ZNF365: variants seen among roughly 807,000 people sequenced by gnomAD.
ZNF365 encodes the protein protein ZNF365.
In ZNF365, 22 loss-of-function variants were observed where a neutral mutation model predicts 35.0. The ratio of observed to expected loss-of-function variants is 0.63; its 90% CI spans 0.45 to 0.90. ZNF365 has a LOEUF of 0.90. ZNF365 is among the 40% of genes least tolerant of loss of function. ZNF365 has a pLI of 0.00. For synonymous variants in ZNF365, 188 were observed against 196.2 expected (o/e 0.96, Z 0.35); for missense variants, 448 against 500.3 (o/e 0.90, Z 1.00).
chr10:62,376,809 C>A lies in ZNF365; in HGVS notation c.616C>A (p.Gln206Lys), dbSNP rs1407683059. 1.2e-6 allele frequency: 2 copies of A among 1,614,020 alleles called. No individual in the cohort carries two copies. Among genetic ancestry groups the A allele is most frequent in the African/African-American group, 2.7e-5 (2 of 74,894 alleles). ...TCGGGCAGCTTTTGTGCAGCTGACT[C>A]AGAAAAAGCAGGAAGTTCAGAGACG... is the stretch of plus-strand genomic sequence containing the variant. ...EVRAAFVQLT[Q>K]KKQEVQRRER... The change falls in exon 2 of 5, where the codon CAG (glutamine) becomes AAG (lysine). Residue 206 changes from glutamine to lysine, a missense_variant. This residue lies in a region of ZNF365 where 362 missense variants were observed against 375.7 expected (regional missense o/e 0.96). Transcript: ENST00000395254.
chr10:62,387,857 A>G (rs1316366687), intron 2 of ZNF365, among the ~76,000 whole-genome samples: 1 of 152,090 alleles, frequency 6.6e-6, no homozygotes, highest in Non-Finnish European at 1.5e-5. Flanking sequence ...TCCAAGTCAG[A>G]GCTTGTCTTA....
At chr10:62,431,877 T>C (rs535277512) in intron 3 of ZNF365, among the ~76,000 whole-genome samples, 306 of 151,954 alleles carry the variant, frequency 2.0e-3, no homozygotes, top group African/African-American at 7.0e-3. Flanking sequence ...TTTTTTAAAG[T>C]ACCCAATGCA....
chr10:62,431,506 TGTTAATAGTCTAATGC>T (rs1840334292), intron 3 of ZNF365, among the ~76,000 whole-genome samples: 1 of 68,008 alleles, frequency 1.5e-5, no homozygotes, highest in African/African-American at 3.8e-5. Context: ...AGTCTAATGC[TGTTAATAGTCTAATGC>T]ATAGTCTAAT....
At chr10:62,440,219 T>C (rs888404974) in intron 3 of ZNF365, among the ~76,000 whole-genome samples, 1 of 152,016 alleles carries the variant, frequency 6.6e-6, no homozygotes, top group Admixed American at 6.6e-5. Context: ...TCTCCTCTTC[T>C]TGTTTCTTTC....
chr10:62,462,993 G>A (rs1230438920), intron 4 of ZNF365, among the ~76,000 whole-genome samples: 3 of 152,218 alleles, frequency 2.0e-5, no homozygotes, highest in Non-Finnish European at 4.4e-5. Context: ...AACTATACCA[G>A]TAGTTCAGTT....
In ZNF365 at chr10:62,399,792, G is replaced by T. The variant is rs1010609285; in HGVS notation, c.*3G>T. 3.1e-6 allele frequency: 5 copies of T among 1,610,796 alleles called. No individual in the cohort carries two copies. The highest frequency in any genetic ancestry group is 1.7e-5 in the Admixed American group (1 of 59,732). ...CAGCCATTGTGAACATCATCTAAAA[G>T]GGTGGGTGGTGCTGGACCAATCATC... On this transcript the variant is annotated 3_prime_UTR_variant, in exon 5 of 5. Transcript: ENST00000395254.
At chr10:62,479,232 G>C (rs186191002) in intron 4 of ZNF365, among the ~76,000 whole-genome samples, 1 of 152,244 alleles carries the variant, frequency 6.6e-6, no homozygotes, top group East Asian at 1.9e-4. Context: ...GTTGTTCAAA[G>C]ACATATCCAT....
chr10:62,451,152 G>A (rs1589460956), intron 3 of ZNF365, among the ~76,000 whole-genome samples: 1 of 152,210 alleles, frequency 6.6e-6, no homozygotes, highest in East Asian at 1.9e-4. Flanking sequence ...GTGCGTGTGA[G>A]ATGTAGGGAG....
intron 3 of ZNF365, among the ~76,000 whole-genome samples, chr10:62,446,828 C>T (rs927888439): frequency 1.3e-4 from 20 of 151,992 alleles, no homozygotes; most frequent in African/African-American, 4.1e-4. Context: ...CTGTCAGGAG[C>T]GGCTTGAGTT....
chr10:62,458,738 A>G (rs1840800639), intron 3 of ZNF365, among the ~76,000 whole-genome samples: 1 of 152,154 alleles, frequency 6.6e-6, no homozygotes. Flanking sequence ...CTTTTTTCCT[A>G]CCTGAATGAA....
chr10:62,471,088 C>T (rs938687497), intron 4 of ZNF365, among the ~76,000 whole-genome samples: 14 of 151,766 alleles, frequency 9.2e-5, no homozygotes, highest in African/African-American at 3.1e-4. Context: ...TAATCTAGGC[C>T]GGGTGCCGTG....
intron 2 of ZNF365, among the ~76,000 whole-genome samples, chr10:62,378,056 C>T (rs542137278): frequency 2.6e-5 from 4 of 152,230 alleles, no homozygotes; most frequent in South Asian, 2.1e-4. Context: ...TTTGTTCAGG[C>T]GAGACATTTT....
chr10:62,446,933 A>T (rs1840599381), intron 3 of ZNF365, among the ~76,000 whole-genome samples: 1 of 152,158 alleles, frequency 6.6e-6, no homozygotes, highest in Non-Finnish European at 1.5e-5. Context: ...AAAGGCTGAG[A>T]TGGCCTTGGC....
At chr10:62,472,198 C>T (rs950208168) in intron 4 of ZNF365, among the ~76,000 whole-genome samples, 1 of 152,198 alleles carries the variant, frequency 6.6e-6, no homozygotes, top group Non-Finnish European at 1.5e-5. Context: ...GTTAAAATGT[C>T]AAGGGGTTGC....
chr10:62,426,853 C>A (rs1281768230), intron 3 of ZNF365, among the ~76,000 whole-genome samples: 1 of 152,094 alleles, frequency 6.6e-6, no homozygotes, highest in African/African-American at 2.4e-5. Context: ...GATTAGTTTA[C>A]ACATCAAAGG....
At chr10:62,407,310 C>T (rs569139106), downstream of ZNF365, among the ~76,000 whole-genome samples, 2 of 152,288 alleles carry the variant, frequency 1.3e-5, no homozygotes, top group East Asian at 3.9e-4. Flanking sequence ...AAGACTATAG[C>T]TCCCCTGAAC....
intron 3 of ZNF365, among the ~76,000 whole-genome samples, chr10:62,415,488 C>G (rs189868294): frequency 1.2e-4 from 18 of 152,222 alleles, no homozygotes; most frequent in Non-Finnish European, 2.4e-4. Context: ...ATTGGGCTCT[C>G]TCTCTCTCTC....
chr10:62,473,125 A>G (rs568261164), intron 4 of ZNF365, among the ~76,000 whole-genome samples: 3 of 152,206 alleles, frequency 2.0e-5, no homozygotes, highest in Non-Finnish European at 4.4e-5. Context: ...ATGTGACTTT[A>G]CAGAACTGTT....
At chr10:62,405,331 T>C (rs1839889246), downstream of ZNF365, among the ~76,000 whole-genome samples, 1 of 152,176 alleles carries the variant, frequency 6.6e-6, no homozygotes, top group South Asian at 2.1e-4. Flanking sequence ...TTCTTATGAA[T>C]ATACTTAAGA....
Sources: gnomAD v4.1 joint callset for allele counts (sites outside exome capture counted in the v4.1 genomes callset) on GRCh38, gnomAD v4.1.1 for gene constraint, gnomAD v4.1.1 regional missense constraint, MANE v1.5 for transcripts, NCBI Gene and HGNC (gene_info 2026-07-23, HGNC 2026-07-21) for gene names.